ARHGAP29: variants seen among roughly 807,000 people sequenced by gnomAD.
ARHGAP29 encodes rho GTPase-activating protein 29.
Under a neutral mutation model 122.6 loss-of-function variants are expected in ARHGAP29, and 43 were observed. The ratio of observed to expected loss-of-function variants is 0.35; its 90% confidence interval spans 0.27 to 0.45. ARHGAP29 has a LOEUF of 0.45. ARHGAP29 is among the 20% of genes least tolerant of loss of function. ARHGAP29 has a pLI of 1.00. For missense variants in ARHGAP29, 1,303 were observed against 1,477.2 expected (o/e 0.88, Z 1.93); for synonymous variants, 506 against 497.1 (o/e 1.02, Z -0.24).
At chr1:94,236,739 G>A (rs1190629930) in intron 1 of ARHGAP29, among the ~76,000 whole-genome samples, 7 of 151,944 alleles carry the variant, frequency 4.6e-5, no homozygotes, top group African/African-American at 1.7e-4. Flanking sequence ...ATTGAACTGG[G>A]ACAAACCTCT....
intron 1 of ARHGAP29, among the ~76,000 whole-genome samples, chr1:94,243,566 A>G (rs1272236796): frequency 1.3e-5 from 2 of 152,038 alleles, no homozygotes; most frequent in Non-Finnish European, 2.9e-5. Flanking sequence ...TAAAATACAC[A>G]GTTTTAGATG....
intron 12 of ARHGAP29, among the ~76,000 whole-genome samples, chr1:94,198,537 C>A (rs368509620): frequency 1.3e-5 from 2 of 152,100 alleles, no homozygotes; most frequent in East Asian, 1.9e-4. Flanking sequence ...TAAAGGAAAT[C>A]TATACATATG....
intron 1 of ARHGAP29, among the ~76,000 whole-genome samples, chr1:94,249,683 A>G (rs925009302): frequency 1.8e-4 from 27 of 152,048 alleles, no homozygotes; most frequent in African/African-American, 6.0e-4. Flanking sequence ...CCCAGGAGGC[A>G]GAGGTTGTGG....
chr1:94,273,233 C>T (rs1302436390), intron 1 of ARHGAP29, among the ~76,000 whole-genome samples: 1 of 152,192 alleles, frequency 6.6e-6, no homozygotes, highest in African/African-American at 2.4e-5. Flanking sequence ...ATTTAAGCTC[C>T]ATGATCAGAA....
At chr1:94,291,305 T>C in the ARHGAP29 span, among the ~76,000 whole-genome samples, 2 of 152,210 alleles carry the variant, frequency 1.3e-5, no homozygotes, top group Admixed American at 6.5e-5. Context: ...ATTTGCTTGG[T>C]AGATCTTCCT....
chr1:94,235,970 A>G (rs778199863), intron 1 of ARHGAP29, among the ~76,000 whole-genome samples: 1 of 152,156 alleles, frequency 6.6e-6, no homozygotes, highest in Non-Finnish European at 1.5e-5. Context: ...GCCCCCAAAC[A>G]TCTATACTTA....
At chr1:94,245,264 T>C (rs1028716665) in intron 1 of ARHGAP29, among the ~76,000 whole-genome samples, 1 of 152,198 alleles carries the variant, frequency 6.6e-6, no homozygotes, top group South Asian at 2.1e-4. Flanking sequence ...TGAAAACATA[T>C]ATTCACCCCT....
In ARHGAP29 at chr1:94,203,225, T is replaced by C. The variant is rs776441974; in HGVS notation, c.763-15A>G. The C allele has an allele frequency of 5.8e-6, 9 of 1,558,884 alleles. No homozygotes were observed. The Middle Eastern group carries it at 1.3e-3, about 220-fold the overall frequency. On this transcript the variant is annotated splice_polypyrimidine_tract_variant and intron_variant, in intron 8 of 22. Transcript: ENST00000260526. ...GGCATGAACTCCTAAAATTTAAAAT[T>C]GAAAAGTAAATTTTACAATAGAAAT...
chr1:94,265,761 G>A (rs770093253), intron 1 of ARHGAP29, among the ~76,000 whole-genome samples: 35 of 152,192 alleles, frequency 2.3e-4, no homozygotes, highest in African/African-American at 8.4e-4. Context: ...ATTGCTGAAT[G>A]TCTGAATCAC....
At chr1:94,208,926 A>C (rs762290037) in intron 4 of ARHGAP29, 22 bp from the exon 5 acceptor site, 7 of 1,596,264 alleles carry the variant, frequency 4.4e-6, no homozygotes, top group Admixed American at 1.7e-5. Context: ...GGTTAAAAAA[A>C]GAAAGACAAG....
chr1:94,213,917 T>G (rs1187142486), intron 3 of ARHGAP29, among the ~76,000 whole-genome samples: 6 of 152,188 alleles, frequency 3.9e-5, no homozygotes, highest in African/African-American at 1.4e-4. Flanking sequence ...CAGTCAAAAT[T>G]AGATGTCTTT....
intron 1 of ARHGAP29, among the ~76,000 whole-genome samples, chr1:94,261,374 G>A (rs1301909406): frequency 6.6e-6 from 1 of 151,960 alleles, no homozygotes; most frequent in African/African-American, 2.4e-5. Flanking sequence ...CACAAGTTTG[G>A]GTCTCATTTG....
At chr1:94,184,799 T>TA in intron 18 of ARHGAP29, 73 bp downstream of exon 18, 1 of 1,258,010 alleles carries the variant, frequency 7.9e-7, no homozygotes, top group Non-Finnish European at 1.1e-6. Context: ...TATTTTCCTT[T>TA]AAAGTCTCCT....
At chr1:94,271,212 C>G (rs139185951) in intron 1 of ARHGAP29, among the ~76,000 whole-genome samples, 25 of 152,188 alleles carry the variant, frequency 1.6e-4, no homozygotes, top group Non-Finnish European at 3.5e-4. Context: ...ACATGGGTCT[C>G]TATAGGAGAG....
upstream of ARHGAP29, among the ~76,000 whole-genome samples, chr1:94,238,810 A>G (rs956530742): frequency 6.6e-6 from 1 of 152,208 alleles, no homozygotes; most frequent in African/African-American, 2.4e-5. Flanking sequence ...TGAGCATGAC[A>G]GAACCAAAAG....
At position 94,231,413 on chromosome 1, in the gene ARHGAP29, A is replaced by C; in HGVS notation, c.199T>G (p.Phe67Val). 6.2e-7 allele frequency: 1 copy of C among 1,612,056 alleles called. No homozygotes were observed. The highest frequency in any genetic ancestry group is 8.5e-7 in the Non-Finnish European group (1 of 1,178,456). ...HMLLYLKEAIFSDCFKEVIHI... is the reference protein window; with the variant it reads ...HMLLYLKEAIVSDCFKEVIHI... ...TAATAGAAAAGTGACAAACCTGAAA[A>C]TATGGCTTCTTTCAAATATAGTAAC... Residue 67 changes from phenylalanine (F) to valine (V), a missense_variant, in exon 2 of 23, where the codon TTT becomes GTT. Physicochemically the swap from Phe to Val is conservative, Grantham distance 50. Coordinates refer to ENST00000260526, the MANE Select transcript of ARHGAP29 (RefSeq NM_004815.4).
the ARHGAP29 span, among the ~76,000 whole-genome samples, chr1:94,303,411 T>TG: frequency 6.6e-6 from 1 of 151,126 alleles, no homozygotes; most frequent in Non-Finnish European, 1.5e-5. Flanking sequence ...GGCTGGGGAG[T>TG]GGGGTGAATG....
At chr1:94,174,836 CAAT>C in intron 22 of ARHGAP29, 87 bp from the exon 23 acceptor site, 1 of 1,371,412 alleles carries the variant, frequency 7.3e-7, no homozygotes, top group Non-Finnish European at 9.9e-7. Flanking sequence ...TCTATCAAGA[CAAT>C]ATGAGTCTTA....
intron 2 of ARHGAP29, among the ~76,000 whole-genome samples, chr1:94,223,813 T>A (rs1017570176): frequency 5.9e-5 from 9 of 152,002 alleles, no homozygotes; most frequent in African/African-American, 1.7e-4. Context: ...CTTCCCTTTT[T>A]TTTTTTCTTT....
Sources: gnomAD v4.1 joint callset for allele counts (sites outside exome capture counted in the v4.1 genomes callset) on GRCh38, gnomAD v4.1.1 for gene constraint, MANE v1.5 for transcripts, NCBI Gene and HGNC (gene_info 2026-07-23, HGNC 2026-07-21) for gene names.